The following PDE4B variants were observed in gnomAD, a reference collection of about 807,000 sequenced individuals.
The protein encoded by PDE4B is phosphodiesterase 4B.
In PDE4B, 20 loss-of-function variants were observed where a neutral mutation model predicts 82.2. The ratio of observed to expected loss-of-function variants is 0.24; its 90% confidence interval spans 0.17 to 0.35. The LOEUF (loss-of-function observed/expected upper bound fraction) is 0.35, where lower values mean the gene tolerates loss of function less well. Ranked by LOEUF, PDE4B falls within the 10% of genes least tolerant of loss-of-function variation. The pLI is 1.00. For synonymous variants in PDE4B, 320 were observed against 318.9 expected (o/e 1.00, Z -0.04); for missense variants, 655 against 907.2 (o/e 0.72, Z 3.57).
At chr1:65,830,721 CA>C (rs1230530830) in intron 1 of PDE4B, among the ~76,000 whole-genome samples, 1 of 152,070 alleles carries the variant, frequency 6.6e-6, no homozygotes, top group African/African-American at 2.4e-5. Flanking sequence ...GGTAAGGAGA[CA>C]TGACATTTCA....
intron 3 of PDE4B, chr1:66,112,901 T>A (rs1444293049): frequency 6.6e-6 from 1 of 152,238 alleles, no homozygotes; most frequent in Non-Finnish European, 1.5e-5. Flanking sequence ...AGAACAAAAC[T>A]TAAAACTGGG....
At chr1:66,251,263 C>T (rs1357652669) in intron 4 of PDE4B, among the ~76,000 whole-genome samples, 1 of 152,082 alleles carries the variant, frequency 6.6e-6, no homozygotes, top group Non-Finnish European at 1.5e-5. Context: ...GGTACTATAA[C>T]TTTCTTGTTT....
At chr1:66,197,654 C>A (rs1045252384) in intron 3 of PDE4B, among the ~76,000 whole-genome samples, 3 of 152,076 alleles carry the variant, frequency 2.0e-5, no homozygotes, top group African/African-American at 7.2e-5. Context: ...TCTTCAAAAT[C>A]CCCAATCTAC....
At chr1:66,279,469 C>A (rs1199818615) in intron 7 of PDE4B, among the ~76,000 whole-genome samples, 1 of 152,050 alleles carries the variant, frequency 6.6e-6, no homozygotes, top group Non-Finnish European at 1.5e-5. Flanking sequence ...ACTAAAAATA[C>A]AAAAAATTAG....
intron 3 of PDE4B, among the ~76,000 whole-genome samples, chr1:66,211,286 T>C (rs949001255): frequency 6.6e-6 from 1 of 152,352 alleles, no homozygotes; most frequent in East Asian, 1.9e-4. Context: ...AATCATATTA[T>C]ACGTTCCAAG....
Position 65,914,470 on chromosome 1 carries a change from C to CTTCTTCT in PDE4B, c.42+1116_42+1117insCTTCTTT, listed in dbSNP as rs1553120183. Reference sequence around the variant, plus strand: ...GCAGCATTTACTTCTTCTTCTTCTTCTTTTTTTTTTTTCTTTCTTCCTCTC... The same window carrying CTTCTTCT: ...GCAGCATTTACTTCTTCTTCTTCTTCTTCTTCTTTTTTTTTTTTTCTTTCTTCCTCTC... On this transcript the variant is annotated intron_variant, in intron 2 of 16. Coordinates refer to ENST00000341517, the MANE Select transcript of PDE4B (RefSeq NM_002600.4). 6.6e-3 allele frequency among the ~76,000 whole-genome samples: 952 copies of CTTCTTCT among 145,076 alleles called. 10 individuals are homozygous for CTTCTTCT. Among genetic ancestry groups the CTTCTTCT allele is most frequent in the African/African-American group, 0.022 (862 of 39,702 alleles).
At chr1:66,346,742 C>T (rs1661425247) in intron 8 of PDE4B, among the ~76,000 whole-genome samples, 1 of 152,096 alleles carries the variant, frequency 6.6e-6, no homozygotes, top group Non-Finnish European at 1.5e-5. Flanking sequence ...CTGAAACTTC[C>T]ACCCAAAAGC....
intron 10 of PDE4B, among the ~76,000 whole-genome samples, chr1:66,362,754 C>T (rs1443359080): frequency 1.3e-5 from 2 of 152,064 alleles, no homozygotes; most frequent in African/African-American, 2.4e-5. Flanking sequence ...GTGATGATAA[C>T]CAAAGGGCAG....
chr1:66,226,908 C>A (rs189571459), intron 3 of PDE4B, among the ~76,000 whole-genome samples: 1 of 152,076 alleles, frequency 6.6e-6, no homozygotes, highest in East Asian at 1.9e-4. Context: ...ATAATGATAG[C>A]TTGAGTGAGG....
At chr1:66,253,657 T>G (rs115282333) in intron 4 of PDE4B, among the ~76,000 whole-genome samples, 1 of 152,360 alleles carries the variant, frequency 6.6e-6, no homozygotes, top group African/African-American at 2.4e-5. Flanking sequence ...TCTTAACTAG[T>G]GATTTATCAA....
chr1:65,928,054 T>A (rs1386195600), intron 3 of PDE4B, among the ~76,000 whole-genome samples: 1 of 152,182 alleles, frequency 6.6e-6, no homozygotes, highest in Non-Finnish European at 1.5e-5. Context: ...GTCCACTAGT[T>A]CCTTAAATGT....
Position 65,918,632 on chromosome 1 carries a change from A to C in PDE4B, c.78A>C (p.Lys26Asn), listed in dbSNP as rs764629122. The C allele has an allele frequency of 6.2e-7, 1 of 1,612,046 alleles. No individual in the cohort carries two copies. Among genetic ancestry groups the C allele is most frequent in the Non-Finnish European group, 8.5e-7 (1 of 1,178,238 alleles). The change falls in exon 3 of 17, where the codon AAA becomes AAC. Residue 26 changes from lysine (K) to asparagine (N), a missense_variant. By Grantham distance (94) the Lys-to-Asn change is moderately conservative (BLOSUM62 0). This residue lies in a region of PDE4B where 253 missense variants were observed against 275.6 expected (regional missense o/e 0.92). Coordinates refer to ENST00000341517, the MANE Select transcript of PDE4B (RefSeq NM_002600.4). ...VKDYFECSLS[K>N]SYSSSSNTLG... ...ATTATTTTGAATGTAGCTTGAGTAA[A>C]TCCTACAGTTCTTCCAGTAACACAC...
chr1:65,929,112 C>T (rs1647685713), intron 3 of PDE4B, among the ~76,000 whole-genome samples: 1 of 152,142 alleles, frequency 6.6e-6, no homozygotes, highest in South Asian at 2.1e-4. Flanking sequence ...CCCGCCGGGA[C>T]TTTAGTCTAG....
At chr1:66,009,911 A>G (rs866801365) in intron 3 of PDE4B, among the ~76,000 whole-genome samples, 2 of 140,052 alleles carry the variant, frequency 1.4e-5, no homozygotes, top group African/African-American at 5.4e-5. Flanking sequence ...ATCTTTATCT[A>G]TCTATCTATC....
intron 3 of PDE4B, among the ~76,000 whole-genome samples, chr1:66,228,782 G>T (rs1176225411): frequency 1.3e-5 from 2 of 152,056 alleles, no homozygotes; most frequent in Non-Finnish European, 2.9e-5. Context: ...CCATCCTTGT[G>T]CTTATCCTCA....
At chr1:66,350,957 A>T (rs1661773827) in intron 8 of PDE4B, among the ~76,000 whole-genome samples, 2 of 152,224 alleles carry the variant, frequency 1.3e-5, no homozygotes, top group Non-Finnish European at 2.9e-5. Flanking sequence ...ATAACTTTTC[A>T]CTATTAAAGG....
chr1:66,373,384 C>G lies in PDE4B; in HGVS notation c.*706C>G, dbSNP rs975075794. The G allele has an allele frequency of 6.6e-6, 1 of 152,664 alleles. No individual in the cohort carries two copies. Among genetic ancestry groups the G allele is most frequent in the Non-Finnish European group, 1.5e-5 (1 of 68,124 alleles). 9.5% of individuals were successfully genotyped at this position (152,664 alleles called of 1,614,324 possible). A position where few individuals can be genotyped will look rare whatever the true frequency, so the allele number is the denominator to read the frequency against. On this transcript the variant is annotated 3_prime_UTR_variant, in exon 17 of 17. Coordinates refer to ENST00000341517, the MANE Select transcript of PDE4B (RefSeq NM_002600.4). ...TGCCTGCCTCCAACAGTACTTTTAA[C>G]TTTTTGCTGTAAACAGAATAAAATT...
At chr1:66,047,559 T>G (rs1418917806) in intron 3 of PDE4B, among the ~76,000 whole-genome samples, 2 of 151,974 alleles carry the variant, frequency 1.3e-5, no homozygotes, top group African/African-American at 4.8e-5. Context: ...ATGGATGTTC[T>G]GAGATAATTT....
intron 3 of PDE4B, among the ~76,000 whole-genome samples, chr1:66,189,323 T>G (rs1334075599): frequency 6.6e-6 from 1 of 152,152 alleles, no homozygotes; most frequent in African/African-American, 2.4e-5. Context: ...GGAGTTGCTC[T>G]TCTCGAGGAG....
Sources: gnomAD v4.1 joint callset for allele counts (sites outside exome capture counted in the v4.1 genomes callset) on GRCh38, gnomAD v4.1.1 for gene constraint, gnomAD v4.1.1 regional missense constraint, MANE v1.5 for transcripts, NCBI Gene and HGNC (gene_info 2026-07-23, HGNC 2026-07-21) for gene names.